The following CRAMP1 variants were observed in gnomAD, a reference collection of about 807,000 sequenced individuals.
CRAMP1 encodes the protein protein cramped-like.
In CRAMP1, 50 loss-of-function variants were observed where a neutral mutation model predicts 115.4. The ratio of observed to expected loss-of-function variants is 0.43; its 90% confidence interval spans 0.35 to 0.55. The LOEUF (loss-of-function observed/expected upper bound fraction) is 0.55, where lower values mean the gene tolerates loss of function less well. Ranked by LOEUF, CRAMP1 falls within the 20% of genes least tolerant of loss-of-function variation. The pLI is 0.01. For missense variants in CRAMP1, 1,679 were observed against 1,721.7 expected (o/e 0.98, Z 0.44); for synonymous variants, 866 against 745.4 (o/e 1.16, Z -2.64).
At position 1,666,335 on chromosome 16, in the gene CRAMP1, G is replaced by A. The variant is rs1014888811; in HGVS notation, c.2858-87G>A. 31 of 1,337,952 alleles carry A rather than the reference G, an allele frequency of 2.3e-5. 1 individual carries two copies. In the Middle Eastern group the frequency reaches 2.1e-3, roughly 93 times the overall value. The allele number at this position is 1,337,952 out of a possible 1,614,324, so 82.9% of individuals were successfully genotyped here. A position where few individuals can be genotyped will look rare whatever the true frequency, so the allele number is the denominator to read the frequency against. On this transcript the variant is annotated intron_variant, in intron 15 of 20. Coordinates refer to ENST00000397412, the MANE Select transcript of CRAMP1 (RefSeq NM_020825.4). This position sits in a 1 kb window ranked among gnomAD's most constrained non-coding sequence, Gnocchi z 5.0. ...TGGCTCTTGCATTGACATGAGGTGC[G>A]AGGGAGAAGCTGTTCCCCGAGCCCT... is the stretch of plus-strand genomic sequence containing the variant.
intron 5 of CRAMP1, among the ~76,000 whole-genome samples, chr16:1,638,671 G>A (rs899832633): frequency 2.0e-5 from 3 of 152,180 alleles, no homozygotes; most frequent in Non-Finnish European, 4.4e-5. Flanking sequence ...GGCACTGTAG[G>A]GGATCCCCCC....
chr16:1,613,523 C>T (rs1330435435), intron 1 of CRAMP1, among the ~76,000 whole-genome samples: 2 of 152,184 alleles, frequency 1.3e-5, no homozygotes, highest in African/African-American at 2.4e-5. Flanking sequence ...TAATCTTCAG[C>T]GTTTTTGCTT....
intron 18 of CRAMP1, 38 bp downstream of exon 18, chr16:1,668,231 A>T: frequency 1.4e-6 from 2 of 1,430,730 alleles, no homozygotes; most frequent in Non-Finnish European, 2.0e-6. Context: ...TCCTGTCATC[A>T]GGTGTTGATC....
At position 1,671,758 on chromosome 16, in the gene CRAMP1, G is replaced by C. The variant is rs996506055; in HGVS notation, c.3645+949G>C. 3.9e-5 allele frequency among the ~76,000 whole-genome samples: 6 copies of C among 152,208 alleles called. No homozygotes were observed. The highest frequency in any genetic ancestry group is 7.3e-5 in the Non-Finnish European group (5 of 68,038). ...GGATCCAAAAAAGCTCAAAACAGCT[G>C]TTTCTCACGGACACCTCCGCTACCC... On this transcript the variant is annotated intron_variant, in intron 20 of 20. Coordinates refer to ENST00000397412, the MANE Select transcript of CRAMP1 (RefSeq NM_020825.4). The surrounding 1 kb of genome is among the most constrained non-coding windows in gnomAD (Gnocchi z 5.0).
chr16:1,616,396 G>A (rs1425814168), intron 2 of CRAMP1, among the ~76,000 whole-genome samples: 2 of 152,150 alleles, frequency 1.3e-5, no homozygotes, highest in Admixed American at 6.5e-5. Flanking sequence ...ATGCTTTTCT[G>A]TCGGGTGTCC....
Position 1,671,403 on chromosome 16 carries a change from G to A in CRAMP1, c.3645+594G>A, listed in dbSNP as rs1239765232. 1.3e-5 allele frequency among the ~76,000 whole-genome samples: 2 copies of A among 152,210 alleles called. No homozygotes were observed. Among genetic ancestry groups the A allele is most frequent in the Non-Finnish European group, 2.9e-5 (2 of 68,032 alleles). ...TGTGACTCTCCACTTTTGACGAGAT[G>A]CAGCGTCCCTCTTTGTTGGCCAGGC... is the stretch of plus-strand genomic sequence containing the variant. On this transcript the variant is annotated intron_variant, in intron 20 of 20. Coordinates refer to ENST00000397412, the MANE Select transcript of CRAMP1 (RefSeq NM_020825.4). The surrounding 1 kb of genome is among the most constrained non-coding windows in gnomAD (Gnocchi z 5.0).
chr16:1,650,433 A>G (rs918398929), intron 6 of CRAMP1, among the ~76,000 whole-genome samples: 5 of 152,222 alleles, frequency 3.3e-5, no homozygotes, highest in African/African-American at 9.6e-5. Context: ...TTGGAATAAG[A>G]TTTTTTAAAA....
In CRAMP1 at chr16:1,631,619, A is replaced by G. The variant is rs572819489; in HGVS notation, c.541-593A>G. Reference sequence around the variant, plus strand: ...CAGTGCCTGAAGCAGCACTGAGGTGAGGCTGTTCTGTGGAACACAAGTTCT... The same window carrying G: ...CAGTGCCTGAAGCAGCACTGAGGTGGGGCTGTTCTGTGGAACACAAGTTCT... On this transcript the variant is annotated intron_variant, in intron 3 of 20. Transcript: ENST00000397412. 2.0e-5 allele frequency among the ~76,000 whole-genome samples: 3 copies of G among 152,344 alleles called. No homozygotes were observed. In the East Asian group the frequency reaches 5.8e-4, roughly 29 times the overall value.
chr16:1,623,609 C>T (rs149222667), intron 2 of CRAMP1, among the ~76,000 whole-genome samples: 7 of 152,302 alleles, frequency 4.6e-5, no homozygotes, highest in South Asian at 4.1e-4. Flanking sequence ...GATAGTTTAG[C>T]GAGTGTTTCT....
At chr16:1,658,647 G>A (rs148418564) in intron 10 of CRAMP1, among the ~76,000 whole-genome samples, 2 of 152,178 alleles carry the variant, frequency 1.3e-5, no homozygotes, top group African/African-American at 4.8e-5. Flanking sequence ...GCTGTGACAA[G>A]CACCCCAAAA....
chr16:1,641,455 G>A lies in CRAMP1; in HGVS notation c.827+268G>A, dbSNP rs375783433. Among the ~76,000 whole-genome samples the A allele has an allele frequency of 2.0e-4, 30 of 152,266 alleles. No homozygotes were observed. The South Asian group carries it at 2.9e-3, about 15-fold the overall frequency. Reference sequence around the variant, plus strand: ...TCTGGCTGGGCGTTGTGGTCTCGACGCAGCACTCAGGGCCCTGCTTTTTGT... The same window carrying A: ...TCTGGCTGGGCGTTGTGGTCTCGACACAGCACTCAGGGCCCTGCTTTTTGT... On this transcript the variant is annotated intron_variant, in intron 6 of 20. Transcript: ENST00000397412.
chr16:1,637,791 C>G (rs766479243), intron 4 of CRAMP1, 33 bp from the exon 5 acceptor site: 2 of 1,263,460 alleles, frequency 1.6e-6, no homozygotes, highest in Non-Finnish European at 2.2e-6. Context: ...TCCTGTTCCC[C>G]TCTCTAAAGC....
At chr16:1,627,812 G>T (rs1353493590) in intron 3 of CRAMP1, among the ~76,000 whole-genome samples, 1 of 151,958 alleles carries the variant, frequency 6.6e-6, no homozygotes, top group Non-Finnish European at 1.5e-5. Context: ...GCCCCAAATC[G>T]TGCCTTTAAG....
In CRAMP1 at chr16:1,632,342, C is replaced by T. The variant is rs2036553627; in HGVS notation, c.671C>T (p.Thr224Ile). 3.1e-6 allele frequency: 5 copies of T among 1,596,230 alleles called. No individual in the cohort carries two copies. The South Asian group carries it at 3.4e-5, about 11-fold the overall frequency. The part of the protein sequence containing the change: ...HFYYRTWHKI[T>I]KYIDFDHVFS... Reference sequence around the variant, plus strand: ...TACTACCGCACCTGGCACAAGATCACCAAGTACATCGACTTTGATCATGGT... The same window carrying T: ...TACTACCGCACCTGGCACAAGATCATCAAGTACATCGACTTTGATCATGGT... The change falls in exon 4 of 21, where the codon ACC becomes ATC. Residue 224 changes from threonine (T) to isoleucine (I), a missense_variant. Coordinates refer to ENST00000397412, the MANE Select transcript of CRAMP1 (RefSeq NM_020825.4).
chr16:1,620,980 TCTAAAA>T (rs1373215148), intron 2 of CRAMP1, among the ~76,000 whole-genome samples: 3 of 152,112 alleles, frequency 2.0e-5, no homozygotes, highest in Non-Finnish European at 4.4e-5. Flanking sequence ...TTTCCCCATT[TCTAAAA>T]TGGAGATAAC....
chr16:1,650,685 C>T (rs2036715177), intron 6 of CRAMP1, among the ~76,000 whole-genome samples: 1 of 152,210 alleles, frequency 6.6e-6, no homozygotes, highest in Non-Finnish European at 1.5e-5. Context: ...TAGAATCACG[C>T]TCTGTTCTGT....
chr16:1,615,115 T>G (rs2036406825), intron 2 of CRAMP1, 130 bp downstream of exon 2: 1 of 450,082 alleles, frequency 2.2e-6, no homozygotes, highest in African/African-American at 2.0e-5. Flanking sequence ...AGGCTCTCAA[T>G]TTGGGTGGCA....
At chr16:1,661,893 A>G (rs2142203422) in intron 11 of CRAMP1, among the ~76,000 whole-genome samples, 1 of 152,328 alleles carries the variant, frequency 6.6e-6, no homozygotes, top group East Asian at 1.9e-4. Flanking sequence ...CTAACTCTCA[A>G]ATATTTCCTG....
chr16:1,621,479 G>A (rs1436724745), intron 2 of CRAMP1, among the ~76,000 whole-genome samples: 2 of 152,216 alleles, frequency 1.3e-5, no homozygotes, highest in African/African-American at 4.8e-5. Flanking sequence ...GAAAGCAGGT[G>A]GCAGTGTGGC....
Sources: allele counts gnomAD v4.1 joint callset (sites outside exome capture counted in the v4.1 genomes callset), GRCh38; gene constraint gnomAD v4.1.1; non-coding constraint Gnocchi (gnomAD v3.1); transcripts MANE v1.5; gene names NCBI Gene and HGNC (gene_info 2026-07-23, HGNC 2026-07-21).